Variants in PXDNL observed in about 807,000 individuals in gnomAD.
The protein encoded by PXDNL is probable oxidoreductase PXDNL.
In PXDNL, 145 loss-of-function variants were observed where a neutral mutation model predicts 150.8. That is an observed-to-expected ratio of 0.96 (90% CI 0.84 to 1.10). PXDNL has a LOEUF of 1.10. Among genes scored for constraint, PXDNL ranks in the 50% least tolerant of loss-of-function variants. The probability of loss-of-function intolerance (pLI) is 0.00; values close to 1 mark genes in which losing one functional copy is unlikely to be tolerated. For missense variants in PXDNL, 2,087 were observed against 1,873.9 expected (o/e 1.11, Z -2.10); for synonymous variants, 757 against 725.7 (o/e 1.04, Z -0.69).
At chr8:51,806,409 G>A (rs535162048) in intron 1 of PXDNL, among the ~76,000 whole-genome samples, 261 of 152,294 alleles carry the variant, frequency 1.7e-3, no homozygotes, top group African/African-American at 5.5e-3. Context: ...CTGCTGGGGA[G>A]AAATTCATTC....
At chr8:51,573,098 A>G (rs187270339) in intron 3 of PXDNL, among the ~76,000 whole-genome samples, 1 of 152,176 alleles carries the variant, frequency 6.6e-6, no homozygotes, top group East Asian at 1.9e-4. Flanking sequence ...TAAGTCTAGC[A>G]AGACAGAAAA....
chr8:51,484,435 G>GAA (rs34843728), intron 5 of PXDNL, among the ~76,000 whole-genome samples: 1,959 of 136,916 alleles, frequency 0.014, 32 homozygotes, highest in African/African-American at 0.041. Flanking sequence ...ACTCTGTCTC[G>GAA]AAAAAAAAAA....
chr8:51,450,507 C>G (rs1014448952), intron 10 of PXDNL, among the ~76,000 whole-genome samples: 1 of 152,162 alleles, frequency 6.6e-6, no homozygotes, highest in African/African-American at 2.4e-5. Context: ...CCTACTACCC[C>G]CTTCTTTTCA....
intron 5 of PXDNL, among the ~76,000 whole-genome samples, chr8:51,497,807 A>T (rs185684619): frequency 6.6e-6 from 1 of 152,340 alleles, no homozygotes; most frequent in Non-Finnish European, 1.5e-5. Flanking sequence ...ATGTGGAGAA[A>T]CAGGAACACT....
At chr8:51,727,814 T>A (rs191995626) in intron 1 of PXDNL, among the ~76,000 whole-genome samples, 178 of 152,346 alleles carry the variant, frequency 1.2e-3, no homozygotes, top group Non-Finnish European at 2.1e-3. Context: ...ACGTTCAGCC[T>A]CTGAAAGCTC....
chr8:51,502,674 TTTTCC>T lies in PXDNL; in HGVS notation c.381-2909_381-2905del, dbSNP rs533371425. Among the ~76,000 whole-genome samples the T allele has an allele frequency of 1.9e-3, 292 of 152,250 alleles. 4 individuals carry two copies. The highest frequency in any genetic ancestry group is 6.8e-3 in the African/African-American group (283 of 41,530). On this transcript the variant is annotated intron_variant, in intron 4 of 22. Coordinates refer to ENST00000356297, the MANE Select transcript of PXDNL (RefSeq NM_144651.5). Reference sequence around the variant, plus strand: ...ATAAGCCCAGTAGAAGTGTTTTTTTTTTTCCTTTCAACTTTTTAATGCTTTGAAAC... The same window carrying T: ...ATAAGCCCAGTAGAAGTGTTTTTTTTTTTCAACTTTTTAATGCTTTGAAAC...
chr8:51,622,876 C>A (rs1225424229), intron 2 of PXDNL, among the ~76,000 whole-genome samples: 2 of 152,226 alleles, frequency 1.3e-5, no homozygotes. Context: ...CACTGGGCCA[C>A]ACTTGCTGGG....
Position 51,766,197 on chromosome 8 carries a change from G to A in PXDNL, c.164+42984C>T, listed in dbSNP as rs757062799. The stretch of plus-strand genomic sequence containing the variant: ...TTACAGTTAACATTTTAAACAACTC[G>A]TTTGCATTAATACCACCTTAGTTTT... On this transcript the variant is annotated intron_variant, in intron 1 of 22. Coordinates refer to ENST00000356297, the MANE Select transcript of PXDNL (RefSeq NM_144651.5). 3.5e-4 allele frequency among the ~76,000 whole-genome samples: 53 copies of A among 152,126 alleles called. No homozygotes were observed. In the Middle Eastern group the frequency reaches 0.017, roughly 49 times the overall value.
chr8:51,596,077 G>A (rs1813558859), intron 2 of PXDNL, among the ~76,000 whole-genome samples: 1 of 152,086 alleles, frequency 6.6e-6, no homozygotes, highest in Non-Finnish European at 1.5e-5. Context: ...GTAATCCCCA[G>A]TGTCTATTGT....
chr8:51,510,649 A>T (rs1377939933), intron 4 of PXDNL, among the ~76,000 whole-genome samples: 1 of 152,152 alleles, frequency 6.6e-6, no homozygotes, highest in Admixed American at 6.5e-5. Flanking sequence ...GGCCTGAGAC[A>T]TGACCTAAGA....
At chr8:51,746,605 T>C (rs1464498348) in intron 1 of PXDNL, among the ~76,000 whole-genome samples, 4 of 152,208 alleles carry the variant, frequency 2.6e-5, no homozygotes, top group African/African-American at 9.6e-5. Context: ...GTTACACATG[T>C]AGCGTTTATC....
At chr8:51,518,404 C>T (rs1585543544) in intron 4 of PXDNL, among the ~76,000 whole-genome samples, 4 of 152,214 alleles carry the variant, frequency 2.6e-5, no homozygotes, top group East Asian at 3.9e-4. Context: ...CAGCATAAAA[C>T]ATATGCATAT....
At chr8:51,729,995 A>G (rs1254169490) in intron 1 of PXDNL, among the ~76,000 whole-genome samples, 1 of 152,220 alleles carries the variant, frequency 6.6e-6, no homozygotes, top group Non-Finnish European at 1.5e-5. Context: ...GGATAGGTGG[A>G]GCACAGAGGA....
intron 1 of PXDNL, among the ~76,000 whole-genome samples, chr8:51,689,053 TG>T (rs1187443780): frequency 6.6e-6 from 1 of 152,156 alleles, no homozygotes; most frequent in Non-Finnish European, 1.5e-5. Context: ...CACTCCTGGC[TG>T]GGAATCACCC....
chr8:51,540,262 C>T (rs1452317756), intron 4 of PXDNL, among the ~76,000 whole-genome samples: 2 of 152,052 alleles, frequency 1.3e-5, no homozygotes, highest in Non-Finnish European at 2.9e-5. Context: ...CTTTCTTTTG[C>T]TTACTTTGAA....
intron 1 of PXDNL, among the ~76,000 whole-genome samples, chr8:51,748,154 A>T (rs2037006601): frequency 6.6e-6 from 1 of 152,214 alleles, no homozygotes; most frequent in African/African-American, 2.4e-5. Flanking sequence ...ATATGACAGC[A>T]GCCGCTAAGC....
At chr8:51,475,312 T>A (rs1283260313) in intron 6 of PXDNL, among the ~76,000 whole-genome samples, 171 bp from the exon 7 acceptor site, 2 of 152,246 alleles carry the variant, frequency 1.3e-5, no homozygotes, top group Non-Finnish European at 2.9e-5. Flanking sequence ...ACTCATTGCA[T>A]ATCTTGCACA....
At chr8:51,774,275 T>C (rs2037328642) in intron 1 of PXDNL, among the ~76,000 whole-genome samples, 1 of 152,196 alleles carries the variant, frequency 6.6e-6, no homozygotes, top group Admixed American at 6.5e-5. Flanking sequence ...AAAGCAATAA[T>C]GTTGCACCTC....
chr8:51,461,728 C>T (rs1810088081), intron 8 of PXDNL, among the ~76,000 whole-genome samples: 1 of 152,220 alleles, frequency 6.6e-6, no homozygotes, highest in African/African-American at 2.4e-5. Context: ...AACAGCCTGT[C>T]AGGGCCCCTT....
Sources: allele counts gnomAD v4.1 joint callset (sites outside exome capture counted in the v4.1 genomes callset), GRCh38; gene constraint gnomAD v4.1.1; transcripts MANE v1.5; gene names NCBI Gene and HGNC (gene_info 2026-07-23, HGNC 2026-07-21).